MSRA: variants seen among roughly 807,000 people sequenced by gnomAD.
MSRA encodes the protein methionine sulfoxide reductase A, also known as mitochondrial peptide methionine sulfoxide reductase.
MSRA carries 54 observed loss-of-function variants against 31.3 expected under a neutral mutation model. The ratio of observed to expected loss-of-function variants is 1.73; its 90% CI spans 1.39 to 2.17. The LOEUF is 2.17. MSRA is among the 30% of genes most tolerant of loss of function. The probability of loss-of-function intolerance (pLI) is 0.00; values close to 1 mark genes in which losing one functional copy is unlikely to be tolerated. For missense variants in MSRA, 507 were observed against 300.9 expected (o/e 1.69, Z -5.07); for synonymous variants, 169 against 116.5 (o/e 1.45, Z -2.90).
chr8:10,246,381 C>A (rs1178382532), intron 3 of MSRA, among the ~76,000 whole-genome samples: 1 of 152,184 alleles, frequency 6.6e-6, no homozygotes, highest in Non-Finnish European at 1.5e-5. Flanking sequence ...CCTTTCCTTT[C>A]CTGCCAGCTC....
chr8:10,287,207 A>C (rs1799983173), intron 3 of MSRA, among the ~76,000 whole-genome samples: 1 of 152,222 alleles, frequency 6.6e-6, no homozygotes, highest in Non-Finnish European at 1.5e-5. Context: ...GCAATAATTT[A>C]GTAGTTACCA....
At chr8:10,388,721 G>A (rs1329582342) in intron 5 of MSRA, among the ~76,000 whole-genome samples, 2 of 152,032 alleles carry the variant, frequency 1.3e-5, no homozygotes, top group East Asian at 1.9e-4. Context: ...AATGAGAGCA[G>A]GGTTTCTCAT....
intron 2 of MSRA, among the ~76,000 whole-genome samples, chr8:10,239,761 A>C (rs2975722): frequency 2.0e-5 from 3 of 152,096 alleles, no homozygotes; most frequent in Non-Finnish European, 4.4e-5. Context: ...AAAGTCTCCC[A>C]ATGGGTCCCT....
intron 1 of MSRA, among the ~76,000 whole-genome samples, chr8:10,130,891 T>C (rs1214755536): frequency 6.6e-6 from 1 of 152,204 alleles, no homozygotes; most frequent in African/African-American, 2.4e-5. Context: ...TCTCAGGTTT[T>C]AGATGCCACA....
intron 1 of MSRA, among the ~76,000 whole-genome samples, 166 bp downstream of exon 1, chr8:10,054,824 G>C (rs1802229794): frequency 6.6e-6 from 1 of 152,206 alleles, no homozygotes; most frequent in Non-Finnish European, 1.5e-5. Flanking sequence ...TGGCCGGGGA[G>C]ACGCTGGGGT....
intron 5 of MSRA, among the ~76,000 whole-genome samples, chr8:10,365,705 G>T (rs941296485): frequency 6.6e-6 from 1 of 152,230 alleles, no homozygotes; most frequent in African/African-American, 2.4e-5. Context: ...TCAGGGAGAA[G>T]GGATCACCTC....
At chr8:10,099,453 G>C (rs1222625577) in intron 1 of MSRA, among the ~76,000 whole-genome samples, 1 of 152,180 alleles carries the variant, frequency 6.6e-6, no homozygotes, top group East Asian at 1.9e-4. Context: ...ATTGATGAAT[G>C]TAGGTACCTT....
chr8:10,234,766 TA>T (rs1811811691), intron 2 of MSRA, among the ~76,000 whole-genome samples: 1 of 151,718 alleles, frequency 6.6e-6, no homozygotes, highest in Non-Finnish European at 1.5e-5. Flanking sequence ...GGTAAATGAA[TA>T]CAAAAAAGGT....
At chr8:10,355,775 T>TGGCC (rs1804472448) in intron 5 of MSRA, among the ~76,000 whole-genome samples, 2 of 152,080 alleles carry the variant, frequency 1.3e-5, no homozygotes, top group African/African-American at 4.8e-5. Context: ...GCCAGGGGTC[T>TGGCC]AGCCAGGAAG....
At chr8:10,173,321 C>T (rs1266233372) in intron 1 of MSRA, among the ~76,000 whole-genome samples, 1 of 152,198 alleles carries the variant, frequency 6.6e-6, no homozygotes, top group African/African-American at 2.4e-5. Context: ...CAATATCACA[C>T]CCAGTTACTG....
chr8:10,181,990 T>C (rs1361930283), intron 1 of MSRA, among the ~76,000 whole-genome samples: 3 of 151,986 alleles, frequency 2.0e-5, no homozygotes, highest in East Asian at 1.9e-4. Context: ...TACAGACATA[T>C]GGGTGAAATA....
intron 1 of MSRA, among the ~76,000 whole-genome samples, chr8:10,206,928 C>A (rs536643786): frequency 6.6e-5 from 10 of 152,240 alleles, no homozygotes; most frequent in Non-Finnish European, 1.5e-4. Context: ...GGCTTCAGTG[C>A]TGAGCCCTTT....
At chr8:10,161,450 A>G (rs1006928427) in intron 1 of MSRA, among the ~76,000 whole-genome samples, 4 of 152,192 alleles carry the variant, frequency 2.6e-5, no homozygotes, top group Non-Finnish European at 5.9e-5. Context: ...AACCTTCCAT[A>G]GAAGCGCTAA....
chr8:10,118,271 C>T (rs1385145380), intron 1 of MSRA, among the ~76,000 whole-genome samples: 1 of 152,132 alleles, frequency 6.6e-6, no homozygotes, highest in Non-Finnish European at 1.5e-5. Context: ...AATAATGACT[C>T]TTTCATTCAT....
At chr8:10,347,181 G>C (rs553610116) in intron 5 of MSRA, among the ~76,000 whole-genome samples, 2 of 152,212 alleles carry the variant, frequency 1.3e-5, no homozygotes, top group East Asian at 3.9e-4. Context: ...GTTCATCACT[G>C]TATCTTCCCT....
chr8:10,148,112 C>T (rs1005081331), intron 1 of MSRA, among the ~76,000 whole-genome samples: 1 of 152,056 alleles, frequency 6.6e-6, no homozygotes, highest in African/African-American at 2.4e-5. Flanking sequence ...AGAAAGGGCT[C>T]CTCTCGGCTC....
At chr8:10,274,632 A>G (rs1799222826) in intron 3 of MSRA, among the ~76,000 whole-genome samples, 2 of 152,066 alleles carry the variant, frequency 1.3e-5, no homozygotes, top group African/African-American at 2.4e-5. Context: ...CCATTTATTT[A>G]TGTATCCATG....
At chr8:10,076,087 C>G (rs1252019571) in intron 1 of MSRA, among the ~76,000 whole-genome samples, 1 of 103,872 alleles carries the variant, frequency 9.6e-6, no homozygotes, top group Admixed American at 9.8e-5. Flanking sequence ...GCGTCATGTG[C>G]TTACTGGCTG....
intron 1 of MSRA, among the ~76,000 whole-genome samples, chr8:10,168,618 A>G (rs1034384925): frequency 6.6e-6 from 1 of 152,232 alleles, no homozygotes; most frequent in Non-Finnish European, 1.5e-5. Context: ...ACAGATCAAG[A>G]AAGTGAAGCT....
Sources: gnomAD v4.1 joint callset for allele counts (sites outside exome capture counted in the v4.1 genomes callset) on GRCh38, gnomAD v4.1.1 for gene constraint, MANE v1.5 for transcripts, NCBI Gene and HGNC (gene_info 2026-07-23, HGNC 2026-07-21) for gene names.